Variants in MRNIP observed in about 807,000 individuals in gnomAD.
MRNIP encodes the protein MRN complex-interacting protein.
MRNIP carries 30 observed loss-of-function variants against 29.8 expected under a neutral mutation model. That is an observed-to-expected ratio of 1.01 (90% CI 0.75 to 1.36). The LOEUF (loss-of-function observed/expected upper bound fraction) is 1.36, where lower values mean the gene tolerates loss of function less well. MRNIP is among the 40% of genes most tolerant of loss of function. The pLI is 0.00. For missense variants in MRNIP, 459 were observed against 423.5 expected, an observed-to-expected ratio of 1.08 and a Z score of -0.74; for synonymous variants, 201 against 164.1, an observed-to-expected ratio of 1.23 and a Z score of -1.72.
At chr5:179,841,641 A>G in intron 5 of MRNIP, 1 of 508,204 alleles carries the variant, frequency 2.0e-6, no homozygotes, top group Non-Finnish European at 3.5e-6. Flanking sequence ...GGGTCAGTAC[A>G]GTCTGAGATG....
chr5:179,849,828 A>G (rs934526987), intron 2 of MRNIP, among the ~76,000 whole-genome samples: 13 of 151,860 alleles, frequency 8.6e-5, no homozygotes, highest in Non-Finnish European at 1.8e-4. Flanking sequence ...GGGTCGTGCT[A>G]TGGCACAGGC....
At chr5:179,858,628 C>A in intron 1 of MRNIP, 103 bp downstream of exon 1, 1 of 726,896 alleles carries the variant, frequency 1.4e-6, no homozygotes, top group Admixed American at 3.0e-5. Context: ...TCCTTCGGGC[C>A]CGGTGCATCC....
At chr5:179,848,334 C>T (rs1759213754) in intron 2 of MRNIP, among the ~76,000 whole-genome samples, 2 of 152,048 alleles carry the variant, frequency 1.3e-5, no homozygotes, top group Admixed American at 6.5e-5. Flanking sequence ...AACCCAAAGC[C>T]CTACACAAAA....
At position 179,842,065 on chromosome 5, in the gene MRNIP, C is replaced by T. The variant is rs1758904850; in HGVS notation, c.292-1G>A. ...GACTCTCTGAGGGCTGCGATTTTTCCTGCCAGATTGAGAAAAAAGTTGATT... is the reference window on the plus strand; with the variant it reads ...GACTCTCTGAGGGCTGCGATTTTTCTTGCCAGATTGAGAAAAAAGTTGATT... On this transcript the variant is annotated splice_acceptor_variant, in intron 4 of 6. Coordinates refer to ENST00000292586, the MANE Select transcript of MRNIP (RefSeq NM_016175.4). LOFTEE classifies it high-confidence loss of function. 6.2e-7 allele frequency: 1 copy of T among 1,612,770 alleles called. No individual in the cohort carries two copies. The highest frequency in any genetic ancestry group is 8.5e-7 in the Non-Finnish European group (1 of 1,179,722).
chr5:179,844,441 G>A (rs895912149), intron 3 of MRNIP: 3 of 479,124 alleles, frequency 6.3e-6, no homozygotes, highest in Non-Finnish European at 1.1e-5. Flanking sequence ...GGAAGGCAGA[G>A]GCTGCAGTGA....
At chr5:179,851,782 T>G (rs938135510) in intron 2 of MRNIP, among the ~76,000 whole-genome samples, 13 of 152,090 alleles carry the variant, frequency 8.5e-5, no homozygotes, top group East Asian at 3.9e-4. Context: ...ATTGACACCA[T>G]CCTGGCTAAC....
intron 4 of MRNIP, among the ~76,000 whole-genome samples, chr5:179,843,404 C>T (rs772830770): frequency 2.6e-5 from 4 of 152,132 alleles, no homozygotes; most frequent in Non-Finnish European, 5.9e-5. Flanking sequence ...ATTGGAAGCA[C>T]AGGCACAGGT....
chr5:179,841,945 C>T lies in MRNIP; in HGVS notation c.411G>A (p.Glu137=). The T allele has an allele frequency of 5.0e-6, 8 of 1,614,168 alleles. No homozygotes were observed. The highest frequency in any genetic ancestry group is 6.8e-6 in the Non-Finnish European group (8 of 1,180,030). Residue 137 remains glutamate (E), a synonymous_variant, in exon 5 of 7, where the codon GAG becomes GAA. Coordinates refer to ENST00000292586, the MANE Select transcript of MRNIP (RefSeq NM_016175.4). ...GGTCTTGACTGAAGCGGGGGCCTGGCTCCTCCATTTTGGATGAAGGCTGTT... is the reference window on the plus strand; with the variant it reads ...GGTCTTGACTGAAGCGGGGGCCTGGTTCCTCCATTTTGGATGAAGGCTGTT... ...FSKQPSSKME[E]PGPRFSQDLP...
chr5:179,852,483 G>C (rs180980477), intron 2 of MRNIP, among the ~76,000 whole-genome samples: 1 of 152,134 alleles, frequency 6.6e-6, no homozygotes. Flanking sequence ...CACAAACACC[G>C]AGCACTGTGC....
At position 179,844,203 on chromosome 5, in the gene MRNIP, G is replaced by A. The variant is rs368680296; in HGVS notation, c.240C>T (p.Ala80=). 143 of 1,613,904 alleles carry A rather than the reference G, an allele frequency of 8.9e-5. No individual in the cohort carries two copies. Among genetic ancestry groups the A allele is most frequent in the Non-Finnish European group, 1.1e-4 (131 of 1,179,980 alleles). The change falls in exon 4 of 7, where the codon GCC becomes GCT. Residue 80 remains alanine, a synonymous_variant. Coordinates refer to ENST00000292586, the MANE Select transcript of MRNIP (RefSeq NM_016175.4). ...GGTGTCCCACGTTTTCTTCTTCACT[G>A]GCACTGACAGTTTCTTCTAGAGACC... ...PLRSLEETVS[A]SEEENVGHQQ...
intron 1 of MRNIP, among the ~76,000 whole-genome samples, chr5:179,855,795 T>C (rs1483990854): frequency 6.6e-6 from 1 of 152,060 alleles, no homozygotes; most frequent in East Asian, 1.9e-4. Flanking sequence ...AATGAGCACC[T>C]ACCAAAAATT....
intron 2 of MRNIP, among the ~76,000 whole-genome samples, chr5:179,849,517 T>G (rs1238350120): frequency 6.9e-6 from 1 of 144,876 alleles, no homozygotes; most frequent in Non-Finnish European, 1.5e-5. Context: ...TTTGTGACCA[T>G]GGGTCCTGCT....
chr5:179,841,290 A>C, intron 5 of MRNIP: 1 of 316,778 alleles, frequency 3.2e-6, no homozygotes, highest in Non-Finnish European at 5.9e-6. Flanking sequence ...ATGCACCACC[A>C]TGCCCCATGA....
chr5:179,853,317 C>A, intron 2 of MRNIP, 61 bp downstream of exon 2: 1 of 1,600,732 alleles, frequency 6.2e-7, no homozygotes, highest in Non-Finnish European at 8.5e-7. Context: ...CATGCTGGGA[C>A]TCCCTGGAAG....
At position 179,837,719 on chromosome 5, in the gene MRNIP, GGCA is replaced by G; in HGVS notation, c.701_703del (p.Leu234del). On this transcript the variant is annotated inframe_deletion, in exon 7 of 7. Coordinates refer to ENST00000292586, the MANE Select transcript of MRNIP (RefSeq NM_016175.4). The stretch of plus-strand genomic sequence containing the variant: ...GTCCACATGTGAACTTTTTCTAGGT[GGCA>G]GGACAAATTGCGCCCATTTAGAGGA... The G allele has an allele frequency of 1.2e-6, 2 of 1,614,252 alleles. No individual in the cohort carries two copies. Among genetic ancestry groups the G allele is most frequent in the Non-Finnish European group, 1.7e-6 (2 of 1,180,038 alleles).
chr5:179,843,149 T>A (rs1758987226), intron 4 of MRNIP, among the ~76,000 whole-genome samples: 1 of 151,908 alleles, frequency 6.6e-6, no homozygotes, highest in African/African-American at 2.4e-5. Flanking sequence ...TCAATACTGG[T>A]GCATCTACTA....
At chr5:179,857,490 A>G (rs1759643099) in intron 1 of MRNIP, among the ~76,000 whole-genome samples, 1 of 152,106 alleles carries the variant, frequency 6.6e-6, no homozygotes, top group Non-Finnish European at 1.5e-5. Flanking sequence ...GGAAATAAAA[A>G]TAAACGGAAA....
Position 179,837,855 on chromosome 5 carries a change from G to T in MRNIP, c.568C>A (p.Gln190Lys). Reference protein sequence around the residue: ...GQAGLTWKVKQGSSPCLQENS... With the variant: ...GQAGLTWKVKKGSSPCLQENS... Reference sequence around the variant, plus strand: ...TCCTGGAGGCAGGGGCTGCTGCCTTGTTTCACCTTCCATGTCAGGCCAGCC... The same window carrying T: ...TCCTGGAGGCAGGGGCTGCTGCCTTTTTTCACCTTCCATGTCAGGCCAGCC... Residue 190 changes from glutamine (Q) to lysine (K), a missense_variant, in exon 7 of 7, where the codon CAA (glutamine) becomes AAA (lysine). By Grantham distance (53) the Gln-to-Lys change is moderately conservative. Transcript: ENST00000292586. 5 of 1,609,568 alleles carry T rather than the reference G, an allele frequency of 3.1e-6. No homozygotes were observed. The highest frequency in any genetic ancestry group is 4.2e-6 in the Non-Finnish European group (5 of 1,179,864).
chr5:179,853,180 G>T, intron 2 of MRNIP, 198 bp downstream of exon 2: 1 of 1,497,738 alleles, frequency 6.7e-7, no homozygotes, highest in South Asian at 1.2e-5. Context: ...GCTGAATGAA[G>T]AATCAAATGG....
Sources: gnomAD v4.1 joint callset for allele counts (sites outside exome capture counted in the v4.1 genomes callset) on GRCh38, gnomAD v4.1.1 for gene constraint, MANE v1.5 for transcripts, NCBI Gene and HGNC (gene_info 2026-07-23, HGNC 2026-07-21) for gene names.